MARCHF8: variants seen among roughly 807,000 people sequenced by gnomAD.
MARCHF8 encodes membrane associated ring-CH-type finger 8, also known as E3 ubiquitin-protein ligase MARCHF8.
A neutral mutation model predicts 51.6 loss-of-function variants in MARCHF8; 40 were observed. The observed-to-expected ratio is 0.77, with a 90% CI of 0.60 to 1.01. MARCHF8 has a LOEUF of 1.01. MARCHF8 is among the 50% of genes least tolerant of loss of function. The pLI is 0.00. For missense variants in MARCHF8, 685 were observed against 708.6 expected (o/e 0.97, Z 0.38); for synonymous variants, 263 against 280.3 (o/e 0.94, Z 0.62).
intron 2 of MARCHF8, among the ~76,000 whole-genome samples, chr10:45,516,651 C>T (rs973298242): frequency 6.6e-6 from 1 of 152,172 alleles, no homozygotes; most frequent in Non-Finnish European, 1.5e-5. Flanking sequence ...GTAATCCCAG[C>T]TACTTAGGAA....
At chr10:45,563,519 C>G (rs778696821) in intron 1 of MARCHF8, among the ~76,000 whole-genome samples, 2 of 151,890 alleles carry the variant, frequency 1.3e-5, no homozygotes, top group African/African-American at 4.8e-5. Flanking sequence ...GATAATATCT[C>G]AAGAATAAAC....
At chr10:45,574,596 T>G (rs2044468364) in intron 1 of MARCHF8, among the ~76,000 whole-genome samples, 2 of 152,254 alleles carry the variant, frequency 1.3e-5, no homozygotes, top group Non-Finnish European at 2.9e-5. Flanking sequence ...CCCCATCACC[T>G]CAGTCAAGCC....
chr10:45,585,074 C>A (rs1259918161), intron 1 of MARCHF8, among the ~76,000 whole-genome samples: 1 of 152,150 alleles, frequency 6.6e-6, no homozygotes, highest in African/African-American at 2.4e-5. Context: ...GATAACCCAG[C>A]CAAGCCTACT....
Position 45,458,244 on chromosome 10 carries a change from C to G in MARCHF8, c.1717G>C (p.Val573Leu). The G allele has an allele frequency of 1.2e-6, 2 of 1,608,218 alleles. No homozygotes were observed. The highest frequency in any genetic ancestry group is 1.1e-5 in the South Asian group (1 of 90,218). The change falls in exon 8 of 8, where the codon GTC (valine) becomes CTC (leucine). Residue 573 changes from valine (V) to leucine (L), a missense_variant. Physicochemically the swap from Val to Leu is conservative, Grantham distance 32. Coordinates refer to ENST00000453424, the MANE Select transcript of MARCHF8 (RefSeq NM_001282866.2). Reference sequence around the variant, plus strand: ...AAATGACAACCCGCACACAATCAGACGTGAATGATTTCTGCTCCAGTGTCT... The same window carrying G: ...AAATGACAACCCGCACACAATCAGAGGTGAATGATTTCTGCTCCAGTGTCT... ...PEDTGAEIIH[V>L]
In MARCHF8 at chr10:45,563,060, T is replaced by A. The variant is rs143817003; in HGVS notation, c.-78-29771A>T. Reference sequence around the variant, plus strand: ...CCTCCCTTCCAAGACAGAGTCTCACTCTGTCACCCAGGCTGGAGTGCAGTG... The same window carrying A: ...CCTCCCTTCCAAGACAGAGTCTCACACTGTCACCCAGGCTGGAGTGCAGTG... On this transcript the variant is annotated intron_variant, in intron 1 of 6. Transcript: ENST00000319836. Among the ~76,000 whole-genome samples the A allele has an allele frequency of 6.7e-3, 1,012 of 151,064 alleles. 8 individuals are homozygous for A. The highest frequency in any genetic ancestry group is 0.023 in the African/African-American group (964 of 41,168).
upstream of MARCHF8, among the ~76,000 whole-genome samples, chr10:45,537,902 G>A (rs1348631417): frequency 6.6e-6 from 1 of 152,078 alleles, no homozygotes; most frequent in Non-Finnish European, 1.5e-5. Flanking sequence ...GAACTTTCGA[G>A]TATATTAAAG....
chr10:45,550,615 A>G (rs2044183945), intron 1 of MARCHF8, among the ~76,000 whole-genome samples: 2 of 151,572 alleles, frequency 1.3e-5, no homozygotes, highest in Admixed American at 6.6e-5. Context: ...TACTCACCTT[A>G]CCCCCTGACC....
chr10:45,513,840 A>T (rs78788663), intron 2 of MARCHF8, among the ~76,000 whole-genome samples: 174 of 152,296 alleles, frequency 1.1e-3, no homozygotes, highest in Non-Finnish European at 2.0e-3. Context: ...TTTCCACCCT[A>T]TGAGAAGCTA....
intron 1 of MARCHF8, among the ~76,000 whole-genome samples, chr10:45,562,476 T>A (rs1216170816): frequency 6.6e-6 from 1 of 152,140 alleles, no homozygotes; most frequent in African/African-American, 2.4e-5. Context: ...CAGCAGACAG[T>A]AGAATATTAT....
chr10:45,486,536 C>T (rs147817923), intron 3 of MARCHF8, among the ~76,000 whole-genome samples: 33 of 152,264 alleles, frequency 2.2e-4, no homozygotes, highest in African/African-American at 7.9e-4. Context: ...GGCACTCCAG[C>T]CTGGGCTACG....
At chr10:45,474,836 C>A (rs570898236) in intron 3 of MARCHF8, among the ~76,000 whole-genome samples, 2 of 152,116 alleles carry the variant, frequency 1.3e-5, no homozygotes, top group African/African-American at 2.4e-5. Context: ...CGATCCCCAG[C>A]GGTCCACATT....
chr10:45,545,046 A>C (rs894877550), intron 1 of MARCHF8, among the ~76,000 whole-genome samples: 1 of 152,104 alleles, frequency 6.6e-6, no homozygotes, highest in Admixed American at 6.5e-5. Context: ...TGGGCTAACT[A>C]ACTCTTCCTC....
exon 1 of MARCHF8, chr10:45,594,555 T>A (rs890351017): frequency 5.3e-5 from 8 of 151,850 alleles, no homozygotes; most frequent in African/African-American, 1.7e-4. Context: ...CTCCGCGGGC[T>A]CCACGCCGGG....
intron 2 of MARCHF8, among the ~76,000 whole-genome samples, chr10:45,529,680 T>C (rs896634210): frequency 1.3e-5 from 2 of 152,128 alleles, no homozygotes; most frequent in Admixed American, 6.5e-5. Flanking sequence ...AAAGATGACA[T>C]ACAAATGGCC....
At chr10:45,490,997 G>A (rs186450506) in intron 2 of MARCHF8, among the ~76,000 whole-genome samples, 38 of 152,294 alleles carry the variant, frequency 2.5e-4, no homozygotes, top group African/African-American at 7.0e-4. Context: ...TCAACCTCCT[G>A]GGTTCAAGTG....
intron 3 of MARCHF8, among the ~76,000 whole-genome samples, chr10:45,484,707 G>A (rs1433914099): frequency 6.6e-6 from 1 of 152,158 alleles, no homozygotes; most frequent in Non-Finnish European, 1.5e-5. Context: ...AAAGAGAAAT[G>A]AGTTAGGAAT....
At chr10:45,491,736 T>C (rs2043083740) in intron 2 of MARCHF8, among the ~76,000 whole-genome samples, 1 of 152,224 alleles carries the variant, frequency 6.6e-6, no homozygotes, top group African/African-American at 2.4e-5. Context: ...AAGCTACTGG[T>C]GACTTACTAT....
At chr10:45,497,040 T>A (rs2043185924) in intron 2 of MARCHF8, among the ~76,000 whole-genome samples, 1 of 152,004 alleles carries the variant, frequency 6.6e-6, no homozygotes, top group Non-Finnish European at 1.5e-5. Flanking sequence ...GGATGTACAA[T>A]AACACAAAAT....
At chr10:45,509,149 T>C (rs1213188006) in intron 2 of MARCHF8, among the ~76,000 whole-genome samples, 1 of 152,184 alleles carries the variant, frequency 6.6e-6, no homozygotes, top group African/African-American at 2.4e-5. Context: ...ACCATACCAG[T>C]GGCCTAAGTC....
Sources: allele counts gnomAD v4.1 joint callset (sites outside exome capture counted in the v4.1 genomes callset), GRCh38; gene constraint gnomAD v4.1.1; transcripts MANE v1.5; gene names NCBI Gene and HGNC (gene_info 2026-07-23, HGNC 2026-07-21).